FBXW7: variants seen among roughly 807,000 people sequenced by gnomAD.
FBXW7 encodes F-box/WD repeat-containing protein 7.
FBXW7 carries 11 observed loss-of-function variants against 86.3 expected under a neutral mutation model. That is an observed-to-expected ratio of 0.13 (90% CI 0.08 to 0.21). The LOEUF (loss-of-function observed/expected upper bound fraction) is 0.21, where lower values mean the gene tolerates loss of function less well. Among genes scored for constraint, FBXW7 ranks in the 10% least tolerant of loss-of-function variants. The probability of loss-of-function intolerance (pLI) is 1.00; values close to 1 mark genes in which losing one functional copy is unlikely to be tolerated. For synonymous variants in FBXW7, 313 were observed against 297.9 expected (o/e 1.05, Z -0.52); for missense variants, 488 against 847.4 (o/e 0.58, Z 5.27).
intron 7 of FBXW7, 74 bp downstream of exon 7, chr4:152,337,728 A>G (rs1458287093): frequency 4.9e-6 from 7 of 1,431,280 alleles, no homozygotes; most frequent in Admixed American, 2.1e-5. Flanking sequence ...TAGCATGACA[A>G]TGTTTAAAGG....
chr4:152,352,391 C>T lies in FBXW7; in HGVS notation c.502-2267G>A, dbSNP rs2126659615. The T allele has an allele frequency of 5.7e-6, 9 of 1,576,240 alleles. No individual in the cohort carries two copies. In the South Asian group the frequency reaches 1.0e-4, roughly 18 times the overall value. Reference sequence around the variant, plus strand: ...CAAAATTAGAGGATACTGCAGCCATCTCTGATGATACAGATTTTCCTTCTC... The same window carrying T: ...CAAAATTAGAGGATACTGCAGCCATTTCTGATGATACAGATTTTCCTTCTC... On this transcript the variant is annotated intron_variant, in intron 4 of 13. Transcript: ENST00000281708.
intron 2 of FBXW7, among the ~76,000 whole-genome samples, chr4:152,522,841 C>A (rs950881626): frequency 6.6e-6 from 1 of 152,214 alleles, no homozygotes; most frequent in African/African-American, 2.4e-5. Context: ...GGAGGTTAAA[C>A]AACTTGCCAA....
chr4:152,436,779 G>A (rs944293297), intron 2 of FBXW7, among the ~76,000 whole-genome samples: 2 of 152,184 alleles, frequency 1.3e-5, no homozygotes, highest in Non-Finnish European at 1.5e-5. Context: ...TCTACAAATG[G>A]AATAACAGAG....
At chr4:152,399,073 T>C (rs549153496) in intron 4 of FBXW7, among the ~76,000 whole-genome samples, 32 of 152,290 alleles carry the variant, frequency 2.1e-4, no homozygotes, top group Middle Eastern at 3.4e-3. Flanking sequence ...CCCAGCTTTT[T>C]CACTCACTTA....
intron 2 of FBXW7, among the ~76,000 whole-genome samples, chr4:152,500,218 C>T (rs1014202859): frequency 2.0e-5 from 3 of 152,136 alleles, no homozygotes; most frequent in African/African-American, 7.2e-5. Context: ...TCCACTCCAT[C>T]AGTTCTATTT....
intron 4 of FBXW7, among the ~76,000 whole-genome samples, chr4:152,370,372 T>C (rs909745977): frequency 1.3e-5 from 2 of 151,982 alleles, no homozygotes; most frequent in African/African-American, 2.4e-5. Flanking sequence ...AAAATAATCA[T>C]AAACAAATGG....
In FBXW7 at chr4:152,460,497, CT is replaced by C. The variant is rs571716688; in HGVS notation, c.-119-47969del. ...CTTGAAATTGATTCCTTTAGAAATG[CT>C]TGCAATGGTGGCTGGCTGGTGAAAA... On this transcript the variant is annotated intron_variant, in intron 2 of 13. Coordinates refer to ENST00000281708, the MANE Select transcript of FBXW7 (RefSeq NM_001349798.2). Among the ~76,000 whole-genome samples the C allele has an allele frequency of 2.6e-5, 4 of 152,288 alleles. No homozygotes were observed. The South Asian group carries it at 8.3e-4, about 32-fold the overall frequency.
At chr4:152,358,521 A>G (rs1407774372) in intron 4 of FBXW7, among the ~76,000 whole-genome samples, 1 of 152,122 alleles carries the variant, frequency 6.6e-6, no homozygotes, top group Non-Finnish European at 1.5e-5. Context: ...TAAAAAAAAA[A>G]AAAAGGTATA....
chr4:152,333,620 T>C (rs113020642), intron 7 of FBXW7, among the ~76,000 whole-genome samples: 4,057 of 152,168 alleles, frequency 0.027, 81 homozygotes, highest in South Asian at 0.055. Flanking sequence ...ATGAAATAAA[T>C]GACAAGAACT....
At chr4:152,358,410 T>G (rs1732605818) in intron 4 of FBXW7, among the ~76,000 whole-genome samples, 1 of 152,146 alleles carries the variant, frequency 6.6e-6, no homozygotes, top group Non-Finnish European at 1.5e-5. Context: ...TGTGATATAT[T>G]AATCTTGTAT....
At chr4:152,344,110 TTTAA>T (rs1346238360) in intron 6 of FBXW7, among the ~76,000 whole-genome samples, 1 of 152,114 alleles carries the variant, frequency 6.6e-6, no homozygotes, top group African/African-American at 2.4e-5. Flanking sequence ...AACATGCCAG[TTTAA>T]TTATCCCTCA....
intron 4 of FBXW7, among the ~76,000 whole-genome samples, chr4:152,397,116 G>A (rs917725088): frequency 3.3e-5 from 5 of 151,674 alleles, no homozygotes; most frequent in Non-Finnish European, 7.4e-5. Context: ...TTCTCCTCTA[G>A]GTGTAAACAG....
At chr4:152,497,864 A>G (rs1195797744) in intron 2 of FBXW7, among the ~76,000 whole-genome samples, 2 of 152,224 alleles carry the variant, frequency 1.3e-5, no homozygotes, top group Non-Finnish European at 1.5e-5. Flanking sequence ...TATAAAACTT[A>G]GCATTATTCA....
intron 4 of FBXW7, among the ~76,000 whole-genome samples, chr4:152,400,212 C>G (rs1408011168): frequency 6.6e-6 from 1 of 152,164 alleles, no homozygotes; most frequent in East Asian, 1.9e-4. Context: ...GCAAATGGTG[C>G]TGAACCACCG....
intron 4 of FBXW7, among the ~76,000 whole-genome samples, chr4:152,409,416 T>C (rs1031660695): frequency 2.0e-5 from 3 of 152,198 alleles, no homozygotes; most frequent in Non-Finnish European, 4.4e-5. Flanking sequence ...GAGCTTCTAT[T>C]TATTGTATTA....
At chr4:152,349,802 T>G (rs1005079280) in intron 5 of FBXW7, among the ~76,000 whole-genome samples, 1 of 151,912 alleles carries the variant, frequency 6.6e-6, no homozygotes, top group Non-Finnish European at 1.5e-5. Context: ...TTTAAATTTT[T>G]GTTCACAAGA....
At chr4:152,463,263 T>G (rs1398041693) in intron 2 of FBXW7, among the ~76,000 whole-genome samples, 2 of 151,862 alleles carry the variant, frequency 1.3e-5, no homozygotes, top group African/African-American at 4.8e-5. Flanking sequence ...CACTCCAGCC[T>G]GGGCGACACA....
At chr4:152,329,350 TTAGA>T (rs1017710058) in intron 10 of FBXW7, among the ~76,000 whole-genome samples, 44 of 151,946 alleles carry the variant, frequency 2.9e-4, no homozygotes, top group Admixed American at 2.4e-3. Flanking sequence ...GAGGTATAAC[TTAGA>T]TAGTAAATAA....
intron 2 of FBXW7, among the ~76,000 whole-genome samples, chr4:152,528,717 A>G (rs1219964444): frequency 6.6e-6 from 1 of 152,246 alleles, no homozygotes; most frequent in African/African-American, 2.4e-5. Context: ...TTGAGAAAAT[A>G]CATTCCATTT....
Sources: gnomAD v4.1 joint callset for allele counts (sites outside exome capture counted in the v4.1 genomes callset) on GRCh38, gnomAD v4.1.1 for gene constraint, MANE v1.5 for transcripts, NCBI Gene and HGNC (gene_info 2026-07-23, HGNC 2026-07-21) for gene names.